The following VWA8 variants were observed in gnomAD, a reference collection of about 807,000 sequenced individuals.
VWA8 encodes the protein von Willebrand factor A domain containing 8, also known as von Willebrand factor A domain-containing protein 8.
VWA8 carries 221 observed loss-of-function variants against 241.5 expected under a neutral mutation model. The ratio of observed to expected loss-of-function variants is 0.91; its 90% CI spans 0.82 to 1.02. The LOEUF (loss-of-function observed/expected upper bound fraction) is 1.02. Ranked by LOEUF, VWA8 falls within the 50% of genes least tolerant of loss-of-function variation. The pLI is 0.00. For missense variants in VWA8, 2,322 were observed against 2,328.7 expected (o/e 1.00, Z 0.06); for synonymous variants, 852 against 827.1 (o/e 1.03, Z -0.52).
At chr13:41,947,211 C>A (rs966597811) in intron 2 of VWA8, among the ~76,000 whole-genome samples, 2 of 152,194 alleles carry the variant, frequency 1.3e-5, no homozygotes, top group Admixed American at 1.3e-4. Flanking sequence ...CCTTACCCGG[C>A]TTTAACACAT....
chr13:41,861,457 G>A (rs942751537), intron 12 of VWA8, among the ~76,000 whole-genome samples: 1 of 152,098 alleles, frequency 6.6e-6, no homozygotes, highest in Non-Finnish European at 1.5e-5. Flanking sequence ...CCTAGCCAGA[G>A]TAATCAGGCA....
intron 19 of VWA8, among the ~76,000 whole-genome samples, chr13:41,778,379 T>C (rs887212429): frequency 2.0e-5 from 3 of 152,196 alleles, no homozygotes; most frequent in East Asian, 3.8e-4. Context: ...TTTAAATTGA[T>C]ACTTGCTAAT....
At chr13:41,940,072 A>T (rs375447962) in intron 2 of VWA8, among the ~76,000 whole-genome samples, 1 of 152,206 alleles carries the variant, frequency 6.6e-6, no homozygotes, top group Non-Finnish European at 1.5e-5. Flanking sequence ...GAGACATCGT[A>T]GCAGACTGTA....
At chr13:41,578,144 C>T (rs1321718572) in intron 42 of VWA8, among the ~76,000 whole-genome samples, 6 of 152,156 alleles carry the variant, frequency 3.9e-5, no homozygotes, top group Non-Finnish European at 8.8e-5. Context: ...CTTCCTTCTT[C>T]CCTCTTCCCT....
At chr13:41,880,650 G>C (rs1048063851) in intron 9 of VWA8, among the ~76,000 whole-genome samples, 1 of 152,120 alleles carries the variant, frequency 6.6e-6, no homozygotes, top group African/African-American at 2.4e-5. Context: ...CAGTTTTAAA[G>C]AATAGAGGCC....
intron 22 of VWA8, among the ~76,000 whole-genome samples, chr13:41,730,605 T>A (rs1287435351): frequency 6.6e-6 from 1 of 152,014 alleles, no homozygotes; most frequent in African/African-American, 2.4e-5. Flanking sequence ...AAGTCTTAGG[T>A]TTAAGGTGAC....
chr13:41,845,633 C>A (rs1300981979), intron 12 of VWA8, among the ~76,000 whole-genome samples: 1 of 151,784 alleles, frequency 6.6e-6, no homozygotes, highest in Non-Finnish European at 1.5e-5. Context: ...TAATATGCAG[C>A]CATAAAATAG....
intron 13 of VWA8, among the ~76,000 whole-genome samples, chr13:41,831,613 GTTTTTTTTT>G (rs71096547): frequency 0.3 from 33,909 of 113,850 alleles, 4,672 homozygotes; most frequent in South Asian, 0.38. Flanking sequence ...CCAGGCATGA[GTTTTTTTTT>G]TTTTTTTTTT....
intron 20 of VWA8, among the ~76,000 whole-genome samples, chr13:41,771,395 T>C (rs2045822035): frequency 6.6e-6 from 1 of 152,118 alleles, no homozygotes; most frequent in Non-Finnish European, 1.5e-5. Flanking sequence ...AGGGCTGGGA[T>C]TACAGGCGTG....
intron 1 of VWA8, among the ~76,000 whole-genome samples, chr13:41,950,473 A>G (rs1440605686): frequency 6.6e-6 from 1 of 151,654 alleles, no homozygotes; most frequent in Non-Finnish European, 1.5e-5. Context: ...GGTTCACACC[A>G]TTCTCCTGCC....
chr13:41,746,606 G>T, intron 21 of VWA8, among the ~76,000 whole-genome samples: 1 of 152,172 alleles, frequency 6.6e-6, no homozygotes, highest in East Asian at 1.9e-4. Flanking sequence ...AACTGTCCAG[G>T]TGACGGAACA....
chr13:41,960,933 T>TGCCGCAGGAGCA lies in VWA8; in HGVS notation c.71_82dup (p.Leu24_Arg27dup), dbSNP rs1878587073. The TGCCGCAGGAGCA allele has an allele frequency of 4.7e-6, 7 of 1,490,710 alleles. No individual in the cohort carries two copies. The highest frequency in any genetic ancestry group is 2.5e-5 in the South Asian group (2 of 79,674). The allele number at this position is 1,490,710 out of a possible 1,614,324, so 92.3% of individuals were successfully genotyped here. A position where few individuals can be genotyped will look rare whatever the true frequency, so the allele number is the denominator to read the frequency against. ...GCCACCCGGCCTGCGCTGCACCACC[T>TGCCGCAGGAGCA]GCCGCAGGAGCAGCCGCATGCGCCG... On this transcript the variant is annotated inframe_insertion, in exon 1 of 45. Transcript: ENST00000379310.
chr13:41,784,701 T>TATATATATATATAC (rs1555335050), intron 18 of VWA8, among the ~76,000 whole-genome samples: 2 of 69,832 alleles, frequency 2.9e-5, no homozygotes, highest in African/African-American at 1.0e-4. Flanking sequence ...CATATACATA[T>TATATATATATATAC]ATATATATAT....
chr13:41,701,654 C>G (rs1417749842), intron 27 of VWA8, 124 bp from the exon 28 acceptor site: 1 of 906,722 alleles, frequency 1.1e-6, no homozygotes, highest in East Asian at 3.1e-5. Flanking sequence ...TACCTTTTTT[C>G]AATTTATTGA....
intron 1 of VWA8, among the ~76,000 whole-genome samples, chr13:41,950,369 T>G (rs1878070287): frequency 1.6e-5 from 1 of 61,444 alleles, no homozygotes; most frequent in Non-Finnish European, 3.2e-5. Flanking sequence ...AGTAAAATCT[T>G]TTTTTTTTTT....
At chr13:41,792,981 A>AAG (rs1836617916) in intron 17 of VWA8, among the ~76,000 whole-genome samples, 1 of 152,114 alleles carries the variant, frequency 6.6e-6, no homozygotes, top group African/African-American at 2.4e-5. Context: ...TAATGTAGCT[A>AAG]ATCATATAAC....
chr13:41,578,788 T>C (rs555323330), intron 42 of VWA8, among the ~76,000 whole-genome samples: 2 of 152,222 alleles, frequency 1.3e-5, no homozygotes, highest in Non-Finnish European at 2.9e-5. Context: ...TTTCAGAGCA[T>C]TCCTGAAAAC....
rs576407527 is a variant in VWA8, at chr13:41,766,869, T to C, written c.2350-5665A>G. 4.6e-5 allele frequency among the ~76,000 whole-genome samples: 7 copies of C among 152,296 alleles called. 1 individual carries two copies. The South Asian group carries it at 8.3e-4, about 18-fold the overall frequency. ...GCCCTATTCGGGTCTCTTAATGTCA[T>C]GGAGTCAAAGATCAGTCAGTTTAAG... On this transcript the variant is annotated intron_variant, in intron 20 of 44. Transcript: ENST00000379310.
Position 41,884,642 on chromosome 13 carries a change from T to C in VWA8, c.976-1151A>G, listed in dbSNP as rs1185096844. ...GCAATATATTAATAATGGGTGATTGTAGGTGAGGGGATTATGAATGTTTTA... is the reference window on the plus strand; with the variant it reads ...GCAATATATTAATAATGGGTGATTGCAGGTGAGGGGATTATGAATGTTTTA... On this transcript the variant is annotated intron_variant, in intron 8 of 44. Transcript: ENST00000379310. Among the ~76,000 whole-genome samples, 6 of 152,040 alleles carry C rather than the reference T, an allele frequency of 3.9e-5. No homozygotes were observed. The South Asian group carries it at 1.2e-3, about 32-fold the overall frequency.
Sources: gnomAD v4.1 joint callset for allele counts (sites outside exome capture counted in the v4.1 genomes callset) on GRCh38, gnomAD v4.1.1 for gene constraint, MANE v1.5 for transcripts, NCBI Gene and HGNC (gene_info 2026-07-23, HGNC 2026-07-21) for gene names.